ERMP1: variants seen among roughly 807,000 people sequenced by gnomAD.
The protein encoded by ERMP1 is endoplasmic reticulum metallopeptidase 1.
A neutral mutation model predicts 92.0 loss-of-function variants in ERMP1; 86 were observed. The ratio of observed to expected loss-of-function variants is 0.93; its 90% CI spans 0.79 to 1.12. ERMP1 has a LOEUF of 1.12. Among genes scored for constraint, ERMP1 ranks in the 50% most tolerant of loss-of-function variants. ERMP1 has a pLI of 0.00. For missense variants in ERMP1, 1,342 were observed against 1,116.3 expected (o/e 1.20, Z -2.88); for synonymous variants, 530 against 412.8 (o/e 1.28, Z -3.44).
Position 5,793,616 on chromosome 9 carries a change from T to C in ERMP1, c.2386+4201A>G, listed in dbSNP as rs979786223. On this transcript the variant is annotated intron_variant, in intron 13 of 14. Coordinates refer to ENST00000339450, the MANE Select transcript of ERMP1 (RefSeq NM_024896.3). ...GTGGATGGAGAACATTATACCATGC[T>C]AACACTAATCAAAAGAAAGTAGGAG... is the stretch of plus-strand genomic sequence containing the variant. 1.2e-4 allele frequency among the ~76,000 whole-genome samples: 18 copies of C among 152,186 alleles called. No homozygotes were observed. The East Asian group carries it at 3.1e-3, about 26-fold the overall frequency.
rs1827969410 is a variant in ERMP1, at chr9:5,787,075, C to T, written c.*69G>A. Reference sequence around the variant, plus strand: ...CATTGACTTACGTTACAAACATCCACGTAACATAGGGAGAAACCATGTCAC... The same window carrying T: ...CATTGACTTACGTTACAAACATCCATGTAACATAGGGAGAAACCATGTCAC... On this transcript the variant is annotated 3_prime_UTR_variant, in exon 15 of 15. Coordinates refer to ENST00000339450, the MANE Select transcript of ERMP1 (RefSeq NM_024896.3). 6 of 1,409,834 alleles carry T rather than the reference C, an allele frequency of 4.3e-6. No homozygotes were observed. The East Asian group carries it at 9.2e-5, about 22-fold the overall frequency. 87.3% of individuals were successfully genotyped at this position (1,409,834 alleles called of 1,614,324 possible). A position where few individuals can be genotyped will look rare whatever the true frequency, so the allele number is the denominator to read the frequency against.
intron 2 of ERMP1, among the ~76,000 whole-genome samples, chr9:5,830,026 A>T (rs183613990): frequency 2.6e-5 from 4 of 152,320 alleles, no homozygotes; most frequent in Admixed American, 2.6e-4. Flanking sequence ...TCAGAGAAAG[A>T]TTTACACATT....
chr9:5,793,306 G>A (rs1389108461), intron 13 of ERMP1, among the ~76,000 whole-genome samples: 1 of 151,314 alleles, frequency 6.6e-6, no homozygotes, highest in Non-Finnish European at 1.5e-5. Context: ...GACATGCTAA[G>A]AAAGGAGAGA....
intron 11 of ERMP1, among the ~76,000 whole-genome samples, chr9:5,799,226 T>A (rs1157509414): frequency 2.0e-5 from 3 of 152,338 alleles, no homozygotes; most frequent in African/African-American, 7.2e-5. Flanking sequence ...CAAATATATT[T>A]AGGATTCCTA....
chr9:5,814,840 A>T (rs1829241389), intron 4 of ERMP1, among the ~76,000 whole-genome samples: 1 of 152,226 alleles, frequency 6.6e-6, no homozygotes, highest in South Asian at 2.1e-4. Context: ...ATTCTAAAAT[A>T]ATTATGATTA....
At chr9:5,834,524 A>C (rs1435687929), upstream of ERMP1, among the ~76,000 whole-genome samples, 1 of 152,192 alleles carries the variant, frequency 6.6e-6, no homozygotes, top group Non-Finnish European at 1.5e-5. Flanking sequence ...GTGAATGAAA[A>C]AATGAAAACA....
At chr9:5,843,804 T>C (rs1281622993) in intron 6 of ERMP1, among the ~76,000 whole-genome samples, 1 of 152,174 alleles carries the variant, frequency 6.6e-6, no homozygotes, top group Non-Finnish European at 1.5e-5. Context: ...CGGACAGTGT[T>C]GCACACACCG....
chr9:5,864,416 C>T (rs1830590959), intron 5 of ERMP1, among the ~76,000 whole-genome samples: 1 of 152,156 alleles, frequency 6.6e-6, no homozygotes, highest in Non-Finnish European at 1.5e-5. Flanking sequence ...CCCTGCAAAA[C>T]CCACTGTCAA....
chr9:5,838,855 A>C (rs1442304262), intron 6 of ERMP1, among the ~76,000 whole-genome samples: 1 of 152,228 alleles, frequency 6.6e-6, no homozygotes, highest in Non-Finnish European at 1.5e-5. Context: ...AGTGAATAGT[A>C]AATAAAAGAA....
chr9:5,797,796 A>G, intron 13 of ERMP1, 21 bp downstream of exon 13: 1 of 1,457,790 alleles, frequency 6.9e-7, no homozygotes, highest in South Asian at 1.2e-5. Context: ...GGAGGGGAGA[A>G]AAAACTATTA....
intron 2 of ERMP1, among the ~76,000 whole-genome samples, chr9:5,826,321 G>A (rs991541486): frequency 1.1e-4 from 16 of 152,322 alleles, no homozygotes; most frequent in African/African-American, 3.8e-4. Context: ...GTGCCAAAGA[G>A]TTTGGCGTGG....
rs1215955231 is a variant in ERMP1, at chr9:5,865,715, G to A, written n.3055+2087C>T. Among the ~76,000 whole-genome samples, 3 of 150,226 alleles carry A rather than the reference G, an allele frequency of 2.0e-5. No homozygotes were observed. In the East Asian group the frequency reaches 5.9e-4, roughly 29 times the overall value. On this transcript the variant is annotated intron_variant and non_coding_transcript_variant, in intron 5 of 6. Transcript: ENST00000690753. ...TAGCTGGGCGTGGTGGTGCACGCCT[G>A]TAATCCCAGCTACTCGGGAGGCTGA...
At chr9:5,798,741 G>A (rs1013974014) in intron 12 of ERMP1, 65 bp downstream of exon 12, 13 of 971,662 alleles carry the variant, frequency 1.3e-5, no homozygotes, top group Admixed American at 3.7e-5. Flanking sequence ...TAAATGATAA[G>A]AGTACTGATA....
chr9:5,793,540 T>C (rs1042705700), intron 13 of ERMP1, among the ~76,000 whole-genome samples: 1 of 152,128 alleles, frequency 6.6e-6, no homozygotes, highest in Admixed American at 6.5e-5. Context: ...CCACTATGTG[T>C]TGTCTACAGA....
At chr9:5,821,659 T>C (rs1829540467) in intron 4 of ERMP1, among the ~76,000 whole-genome samples, 5 of 152,184 alleles carry the variant, frequency 3.3e-5, no homozygotes, top group Non-Finnish European at 5.9e-5. Context: ...TATATGTACA[T>C]AGAAAAAAAT....
intron 6 of ERMP1, among the ~76,000 whole-genome samples, chr9:5,844,569 TG>T (rs1830211481): frequency 6.6e-6 from 1 of 152,132 alleles, no homozygotes; most frequent in Admixed American, 6.5e-5. Context: ...CCACCACGCC[TG>T]GCCCTAGCAG....
chr9:5,806,028 T>C (rs1008957245), intron 8 of ERMP1, among the ~76,000 whole-genome samples: 3 of 152,226 alleles, frequency 2.0e-5, no homozygotes, highest in African/African-American at 7.2e-5. Context: ...CCATGTACTC[T>C]ATGCTTTTCT....
chr9:5,828,464 T>G (rs1829811307), intron 2 of ERMP1, among the ~76,000 whole-genome samples: 1 of 152,246 alleles, frequency 6.6e-6, no homozygotes, highest in South Asian at 2.1e-4. Context: ...TTTGGTGGCC[T>G]GGCAACAGCA....
chr9:5,803,597 T>G (rs1022272047), intron 10 of ERMP1, among the ~76,000 whole-genome samples: 1 of 152,070 alleles, frequency 6.6e-6, no homozygotes, highest in Non-Finnish European at 1.5e-5. Context: ...AACGGGGGTG[T>G]GGGGGCATTC....
Sources: allele counts gnomAD v4.1 joint callset (sites outside exome capture counted in the v4.1 genomes callset), GRCh38; gene constraint gnomAD v4.1.1; transcripts MANE v1.5; gene names NCBI Gene and HGNC (gene_info 2026-07-23, HGNC 2026-07-21).